SNX24: variants seen among roughly 807,000 people sequenced by gnomAD.
SNX24 encodes sorting nexin 24, also known as sorting nexin-24.
SNX24 carries 22 observed loss-of-function variants against 28.7 expected under a neutral mutation model. That is an observed-to-expected ratio of 0.77 (90% CI 0.55 to 1.10). The LOEUF (loss-of-function observed/expected upper bound fraction) is 1.10. Ranked by LOEUF, SNX24 falls within the 50% of genes least tolerant of loss-of-function variation. SNX24 has a pLI of 0.00. For missense variants in SNX24, 221 were observed against 201.1 expected (o/e 1.10, Z -0.60); for synonymous variants, 69 against 71.5 (o/e 0.96, Z 0.18).
chr5:122,917,148 T>G (rs1758211412), intron 1 of SNX24, among the ~76,000 whole-genome samples: 1 of 151,190 alleles, frequency 6.6e-6, no homozygotes, highest in Non-Finnish European at 1.5e-5. Context: ...GCACCTGTAG[T>G]CGAGAGGCTG....
intron 1 of SNX24, among the ~76,000 whole-genome samples, chr5:122,931,904 C>T (rs1227735563): frequency 6.6e-6 from 1 of 151,730 alleles, no homozygotes; most frequent in Non-Finnish European, 1.5e-5. Context: ...AGAGAGAGAC[C>T]ATTCAACTTG....
At chr5:122,926,481 C>A (rs1758699344) in intron 1 of SNX24, among the ~76,000 whole-genome samples, 1 of 152,162 alleles carries the variant, frequency 6.6e-6, no homozygotes, top group Admixed American at 6.5e-5. Flanking sequence ...TTACACATGA[C>A]ACAAAGCTTG....
chr5:122,965,657 C>T, intron 3 of SNX24: 1 of 287,968 alleles, frequency 3.5e-6, no homozygotes, highest in South Asian at 3.3e-5. Context: ...AGTAATTTGG[C>T]TGTTGGGCTT....
intron 1 of SNX24, among the ~76,000 whole-genome samples, chr5:122,848,793 G>T (rs1392613187): frequency 6.6e-6 from 1 of 152,116 alleles, no homozygotes; most frequent in East Asian, 1.9e-4. Flanking sequence ...GTAGAAATGG[G>T]TGGTTTCTCC....
intron 3 of SNX24, among the ~76,000 whole-genome samples, chr5:122,989,852 T>C (rs1373672145): frequency 6.6e-6 from 1 of 152,220 alleles, no homozygotes; most frequent in African/African-American, 2.4e-5. Flanking sequence ...AGGGTACATA[T>C]GTTTTTCTTT....
intron 1 of SNX24, among the ~76,000 whole-genome samples, chr5:122,847,023 T>A (rs1452431608): frequency 6.6e-6 from 1 of 152,010 alleles, no homozygotes; most frequent in Non-Finnish European, 1.5e-5. Context: ...TTGTTGTTGC[T>A]TCTCCCAGGT....
At chr5:122,963,946 A>G (rs1450460412) in intron 3 of SNX24, among the ~76,000 whole-genome samples, 1 of 152,180 alleles carries the variant, frequency 6.6e-6, no homozygotes, top group Admixed American at 6.5e-5. Context: ...TCATCCACTT[A>G]GAACAATAGT....
At chr5:122,853,200 C>T (rs1755010863) in intron 1 of SNX24, among the ~76,000 whole-genome samples, 1 of 137,678 alleles carries the variant, frequency 7.3e-6, no homozygotes, top group Admixed American at 7.8e-5. Flanking sequence ...GATCTCGGCT[C>T]ACTGCAAGCT....
At chr5:122,974,050 A>G (rs1375167095) in intron 3 of SNX24, among the ~76,000 whole-genome samples, 1 of 152,156 alleles carries the variant, frequency 6.6e-6, no homozygotes, top group Non-Finnish European at 1.5e-5. Context: ...CACTCAATAA[A>G]TGGGCTGGAG....
chr5:122,898,653 TAAAA>T (rs940708978), intron 1 of SNX24, among the ~76,000 whole-genome samples: 4 of 152,270 alleles, frequency 2.6e-5, no homozygotes, highest in Admixed American at 2.0e-4. Context: ...TTTTGTTTCT[TAAAA>T]AAAGAAAATG....
intron 3 of SNX24, among the ~76,000 whole-genome samples, chr5:122,966,092 C>G (rs1032002838): frequency 6.6e-6 from 1 of 151,944 alleles, no homozygotes; most frequent in African/African-American, 2.4e-5. Flanking sequence ...TGTTTTTTTC[C>G]AAAATCTACA....
chr5:122,877,120 G>A (rs554902957), intron 1 of SNX24, among the ~76,000 whole-genome samples: 1 of 152,218 alleles, frequency 6.6e-6, no homozygotes, highest in Admixed American at 6.5e-5. Context: ...ACTGGGGAGA[G>A]GAGGGCACAT....
intron 3 of SNX24, among the ~76,000 whole-genome samples, chr5:122,979,948 A>G (rs1408121539): frequency 6.6e-6 from 1 of 152,252 alleles, no homozygotes; most frequent in African/African-American, 2.4e-5. Context: ...TGTTGAATTT[A>G]TAAACATTTT....
chr5:122,985,086 G>C (rs1761543335), intron 3 of SNX24, among the ~76,000 whole-genome samples: 1 of 152,114 alleles, frequency 6.6e-6, no homozygotes, highest in Non-Finnish European at 1.5e-5. Context: ...GTTCTGTTTG[G>C]ATTATTTTTC....
At chr5:122,968,884 A>G (rs1045349113) in intron 3 of SNX24, among the ~76,000 whole-genome samples, 1 of 152,152 alleles carries the variant, frequency 6.6e-6, no homozygotes, top group Non-Finnish European at 1.5e-5. Flanking sequence ...TGTGTTTTAT[A>G]CGGTATCTAG....
intron 2 of SNX24, among the ~76,000 whole-genome samples, chr5:122,940,279 C>T (rs1244073594): frequency 2.6e-5 from 4 of 152,148 alleles, no homozygotes; most frequent in Non-Finnish European, 5.9e-5. Context: ...CAGGCATGAG[C>T]CACCGCGCCC....
At chr5:122,923,386 G>A (rs573010834) in intron 1 of SNX24, among the ~76,000 whole-genome samples, 18 of 151,788 alleles carry the variant, frequency 1.2e-4, no homozygotes, top group Non-Finnish European at 2.5e-4. Context: ...TTAAAATTCT[G>A]AGTTTTGAAA....
chr5:122,922,219 G>A (rs1458715483), intron 1 of SNX24, among the ~76,000 whole-genome samples: 2 of 152,122 alleles, frequency 1.3e-5, no homozygotes. Context: ...AGTATTTAAA[G>A]TATCAGGCAG....
intron 3 of SNX24, among the ~76,000 whole-genome samples, chr5:122,974,940 G>A (rs971054505): frequency 6.6e-6 from 1 of 152,136 alleles, no homozygotes; most frequent in African/African-American, 2.4e-5. Flanking sequence ...CTGGCATTGG[G>A]GAAATGACCA....
Sources: gnomAD v4.1 joint callset for allele counts (sites outside exome capture counted in the v4.1 genomes callset) on GRCh38, gnomAD v4.1.1 for gene constraint, MANE v1.5 for transcripts, NCBI Gene and HGNC (gene_info 2026-07-23, HGNC 2026-07-21) for gene names.